HEXA: variants seen among roughly 807,000 people sequenced by gnomAD.
HEXA encodes beta-hexosaminidase subunit alpha.
HEXA carries 54 observed loss-of-function variants against 73.3 expected under a neutral mutation model. The observed-to-expected ratio is 0.74, with a 90% confidence interval of 0.59 to 0.92. The LOEUF (loss-of-function observed/expected upper bound fraction) is 0.92. HEXA is among the 40% of genes least tolerant of loss of function. The pLI is 0.00. For missense variants in HEXA, 649 were observed against 653.0 expected, an observed-to-expected ratio of 0.99 and a Z score of 0.07; for synonymous variants, 230 against 246.9, an observed-to-expected ratio of 0.93 and a Z score of 0.64.
At chr15:72,370,698 A>AAAAAAAAAAAAGG in intron 1 of HEXA, 1 of 211,228 alleles carries the variant, frequency 4.7e-6, no homozygotes. Flanking sequence ...CCTGTTTCTT[A>AAAAAAAAAAAAGG]AAAAAAAAAA....
At position 72,343,502 on chromosome 15, in the gene HEXA, C is replaced by T. The variant is rs76075374; in HGVS notation, c.*575G>A. The T allele has an allele frequency of 0.014, 2,106 of 154,014 alleles. 23 individuals carry two copies. Among genetic ancestry groups the T allele is most frequent in the Non-Finnish European group, 0.022 (1,518 of 69,146 alleles). 9.5% of individuals were successfully genotyped at this position (154,014 alleles called of 1,614,324 possible). On this transcript the variant is annotated 3_prime_UTR_variant, in exon 14 of 14. Transcript: ENST00000268097. ...GTATAAAATTGAAGCAGCAAGAAAC[C>T]CAAAGGAGAATAGCTCTAGGGGAGG...
intron 8 of HEXA, among the ~76,000 whole-genome samples, chr15:72,348,451 G>A (rs2140322426): frequency 6.6e-6 from 1 of 152,326 alleles, no homozygotes; most frequent in South Asian, 2.1e-4. Context: ...CAGCACACTG[G>A]ATTTCGGCTT....
intron 13 of HEXA, 63 bp from the exon 14 acceptor site, chr15:72,344,203 T>C: frequency 1.8e-6 from 2 of 1,138,390 alleles, no homozygotes; most frequent in Admixed American, 3.5e-5. Flanking sequence ...GCAACACTTT[T>C]CACACCAGTC....
chr15:72,347,947 G>A (rs2088639438), intron 9 of HEXA, 101 bp downstream of exon 9: 1 of 1,004,016 alleles, frequency 1.0e-6, no homozygotes, highest in Non-Finnish European at 1.6e-6. Context: ...GAACCCTGCA[G>A]GGACCAGACA....
At chr15:72,351,349 G>A (rs2088693732) in intron 5 of HEXA, 115 bp from the exon 6 acceptor site, 1 of 747,248 alleles carries the variant, frequency 1.3e-6, no homozygotes, top group South Asian at 1.4e-5. Context: ...GGCTTGACCT[G>A]CCTCAGCTCT....
At chr15:72,352,276 C>T (rs541780783) in intron 5 of HEXA, among the ~76,000 whole-genome samples, 6 of 151,524 alleles carry the variant, frequency 4.0e-5, no homozygotes, top group South Asian at 2.1e-4. Context: ...AGGCTTTGAA[C>T]GTCTCTCTCC....
At chr15:72,355,397 G>A in intron 3 of HEXA, 162 bp downstream of exon 3, 1 of 681,490 alleles carries the variant, frequency 1.5e-6, no homozygotes, top group Admixed American at 2.0e-5. Context: ...ATGGTGGCAG[G>A]CACCTGTAAT....
intron 1 of HEXA, among the ~76,000 whole-genome samples, chr15:72,362,784 A>C (rs1462398458): frequency 6.6e-6 from 1 of 152,058 alleles, no homozygotes; most frequent in African/African-American, 2.4e-5. Flanking sequence ...GGAAACTATC[A>C]ATCTTTACCT....
At chr15:72,372,867 T>C (rs2089011519) in intron 1 of HEXA, among the ~76,000 whole-genome samples, 1 of 152,222 alleles carries the variant, frequency 6.6e-6, no homozygotes. Context: ...GGTGGCTCAT[T>C]CCACCCTGTA....
intron 1 of HEXA, among the ~76,000 whole-genome samples, chr15:72,363,736 T>C (rs912006766): frequency 2.0e-5 from 3 of 152,174 alleles, no homozygotes; most frequent in Admixed American, 2.0e-4. Context: ...TCCCATCCCA[T>C]ATTTTTTGGG....
chr15:72,375,195 T>G (rs1364566572), intron 1 of HEXA, among the ~76,000 whole-genome samples: 1 of 151,872 alleles, frequency 6.6e-6, no homozygotes, highest in East Asian at 1.9e-4. Flanking sequence ...TTCAACCGAT[T>G]CTCCTGCCTC....
intron 10 of HEXA, 76 bp from the exon 11 acceptor site, chr15:72,346,786 A>G: frequency 7.5e-7 from 1 of 1,341,186 alleles, no homozygotes; most frequent in Non-Finnish European, 1.1e-6. Context: ...CACAGGCAAC[A>G]TGGGACAACA....
chr15:72,361,671 A>G (rs2088854551), intron 1 of HEXA, among the ~76,000 whole-genome samples: 1 of 152,220 alleles, frequency 6.6e-6, no homozygotes, highest in Non-Finnish European at 1.5e-5. Flanking sequence ...CCTTCCATCT[A>G]ACTGAGTAGA....
chr15:72,355,725 C>G (rs1338646312), intron 2 of HEXA, 101 bp from the exon 3 acceptor site: 7 of 781,756 alleles, frequency 9.0e-6, no homozygotes, highest in African/African-American at 1.8e-5. Context: ...AAAAAAAAAA[C>G]AGTAAGACCA....
intron 7 of HEXA, among the ~76,000 whole-genome samples, chr15:72,349,477 C>T (rs1024798965): frequency 6.6e-6 from 1 of 152,242 alleles, no homozygotes; most frequent in Admixed American, 6.5e-5. Context: ...TAGGCAGAGG[C>T]TAAGTTCCAG....
At chr15:72,350,722 C>T (rs2088684043) in intron 6 of HEXA, 72 bp from the exon 7 acceptor site, 2 of 1,566,564 alleles carry the variant, frequency 1.3e-6, no homozygotes, top group Non-Finnish European at 1.8e-6. Flanking sequence ...CTCAAAATGC[C>T]CACAAGACTC....
Position 72,344,102 on chromosome 15 carries a change from C to A in HEXA, c.1565G>T (p.Cys522Phe). The A allele has an allele frequency of 6.2e-7, 1 of 1,613,946 alleles. No individual in the cohort carries two copies. Among genetic ancestry groups the A allele is most frequent in the Non-Finnish European group, 8.5e-7 (1 of 1,179,902 alleles). ...VQAQPLNVGF[C>F]EQEFEQT Reference sequence around the variant, plus strand: ...TCAGGTCTGTTCAAACTCCTGCTCACAGAAGCCTACATTGAGGGGTTGGGC... The same window carrying A: ...TCAGGTCTGTTCAAACTCCTGCTCAAAGAAGCCTACATTGAGGGGTTGGGC... Residue 522 changes from cysteine to phenylalanine, a missense_variant, in exon 14 of 14, where the codon TGT (cysteine) becomes TTT (phenylalanine). Physicochemically the swap from Cys to Phe is radical, Grantham distance 205. Transcript: ENST00000268097.
intron 4 of HEXA, among the ~76,000 whole-genome samples, chr15:72,353,395 A>C (rs1277931200): frequency 6.6e-6 from 1 of 152,190 alleles, no homozygotes; most frequent in African/African-American, 2.4e-5. Context: ...CAACTGTCCC[A>C]AACACCACTC....
At chr15:72,359,293 C>T (rs1037843017) in intron 1 of HEXA, 2 of 152,212 alleles carry the variant, frequency 1.3e-5, no homozygotes, top group Non-Finnish European at 2.9e-5. Flanking sequence ...GGTCCCATTC[C>T]AGGACCACAG....
Sources: gnomAD v4.1 joint callset for allele counts (sites outside exome capture counted in the v4.1 genomes callset) on GRCh38, gnomAD v4.1.1 for gene constraint, MANE v1.5 for transcripts, NCBI Gene and HGNC (gene_info 2026-07-23, HGNC 2026-07-21) for gene names.